EPHA4: variants seen among roughly 807,000 people sequenced by gnomAD.
The protein encoded by EPHA4 is ephrin type-A receptor 4.
Under a neutral mutation model 108.3 loss-of-function variants are expected in EPHA4, and 19 were observed. The ratio of observed to expected loss-of-function variants is 0.18; its 90% CI spans 0.12 to 0.26. EPHA4 has a LOEUF of 0.26. Among genes scored for constraint, EPHA4 ranks in the 10% least tolerant of loss-of-function variants. EPHA4 has a pLI of 1.00. For synonymous variants in EPHA4, 449 were observed against 455.5 expected (o/e 0.99, Z 0.18); for missense variants, 917 against 1,254.0 (o/e 0.73, Z 4.06).
intron 3 of EPHA4, among the ~76,000 whole-genome samples, chr2:221,554,600 CAA>C (rs1694254025): frequency 6.6e-6 from 1 of 151,874 alleles, no homozygotes; most frequent in South Asian, 2.1e-4. Context: ...GAGACAGAAA[CAA>C]AAGACAATAT....
chr2:221,463,642 T>G (rs1691216751), intron 5 of EPHA4, among the ~76,000 whole-genome samples: 1 of 152,150 alleles, frequency 6.6e-6, no homozygotes, highest in African/African-American at 2.4e-5. Context: ...TTAACTTTCT[T>G]TGGTTCAAAG....
intron 2 of EPHA4, among the ~76,000 whole-genome samples, chr2:221,567,063 T>C (rs1317146060): frequency 2.0e-5 from 3 of 151,678 alleles, no homozygotes; most frequent in South Asian, 2.1e-4. Flanking sequence ...AGAAACTAGA[T>C]AGACTATGGA....
At chr2:221,454,156 G>A (rs1690870597) in intron 8 of EPHA4, among the ~76,000 whole-genome samples, 1 of 152,034 alleles carries the variant, frequency 6.6e-6, no homozygotes, top group Non-Finnish European at 1.5e-5. Flanking sequence ...CTTCCAGCCT[G>A]GGCGACAGAG....
At chr2:221,478,358 G>A in intron 5 of EPHA4, among the ~76,000 whole-genome samples, 1 of 152,126 alleles carries the variant, frequency 6.6e-6, no homozygotes, top group African/African-American at 2.4e-5. Context: ...CCAAAGGAAA[G>A]CCATCCAGAA....
chr2:221,428,862 G>A (rs1385951823), intron 15 of EPHA4, among the ~76,000 whole-genome samples: 1 of 152,174 alleles, frequency 6.6e-6, no homozygotes, highest in Non-Finnish European at 1.5e-5. Context: ...ACCTGGTGGA[G>A]AATATAGGGT....
chr2:221,567,011 A>AGAAGAAGAAGAAGGAG (rs879798570), intron 2 of EPHA4, among the ~76,000 whole-genome samples: 1 of 118,056 alleles, frequency 8.5e-6, no homozygotes, highest in Non-Finnish European at 2.0e-5. Context: ...AAGAAGAAGA[A>AGAAGAAGAAGAAGGAG]AAAAATGTCT....
intron 8 of EPHA4, among the ~76,000 whole-genome samples, chr2:221,450,606 C>T (rs137951656): frequency 1.7e-3 from 263 of 152,212 alleles, no homozygotes; most frequent in Non-Finnish European, 3.1e-3. Context: ...ACCATGTGAC[C>T]TTCGTTTATT....
chr2:221,527,949 G>C (rs960003562), intron 3 of EPHA4, among the ~76,000 whole-genome samples: 1 of 152,064 alleles, frequency 6.6e-6, no homozygotes, highest in Non-Finnish European at 1.5e-5. Context: ...CATGAGCAGA[G>C]ACAAAGACAT....
At chr2:221,505,180 A>G (rs1420135342) in intron 3 of EPHA4, among the ~76,000 whole-genome samples, 1 of 152,218 alleles carries the variant, frequency 6.6e-6, no homozygotes, top group Non-Finnish European at 1.5e-5. Context: ...GGCTGTGAGT[A>G]TAAAATATAC....
intron 3 of EPHA4, among the ~76,000 whole-genome samples, chr2:221,520,478 C>A (rs1053220838): frequency 6.6e-6 from 1 of 151,052 alleles, no homozygotes; most frequent in Non-Finnish European, 1.5e-5. Flanking sequence ...AACTGGTAGA[C>A]CCAGAGTGTA....
chr2:221,551,931 A>G (rs1266200810), intron 3 of EPHA4, among the ~76,000 whole-genome samples: 2 of 151,990 alleles, frequency 1.3e-5, no homozygotes, highest in African/African-American at 4.8e-5. Context: ...AGGCAATTCT[A>G]AAAGAAAGGG....
chr2:221,527,002 C>T (rs577877584), intron 3 of EPHA4, among the ~76,000 whole-genome samples: 58 of 151,742 alleles, frequency 3.8e-4, no homozygotes, highest in Admixed American at 1.8e-3. Flanking sequence ...TGGTAGGCAC[C>T]TGTAGTCCCA....
chr2:221,572,421 C>A (rs2106218088), upstream of EPHA4: 2 of 531,728 alleles, frequency 3.8e-6, no homozygotes, highest in East Asian at 6.6e-5. Flanking sequence ...GGCCGAGCCC[C>A]GCCTTCACCG....
At chr2:221,507,123 T>C (rs1467436369) in intron 3 of EPHA4, among the ~76,000 whole-genome samples, 1 of 152,204 alleles carries the variant, frequency 6.6e-6, no homozygotes, top group Non-Finnish European at 1.5e-5. Flanking sequence ...GTAGGACATG[T>C]TCATTTTTGA....
chr2:221,561,379 T>A (rs1465416430), intron 3 of EPHA4, among the ~76,000 whole-genome samples: 2 of 152,086 alleles, frequency 1.3e-5, no homozygotes, highest in African/African-American at 4.8e-5. Flanking sequence ...AAGTGCAAGG[T>A]CTTGTGCAAA....
intron 3 of EPHA4, among the ~76,000 whole-genome samples, chr2:221,560,491 AG>A (rs1287428282): frequency 2.6e-5 from 4 of 152,308 alleles, no homozygotes; most frequent in South Asian, 2.1e-4. Flanking sequence ...ATTATTTGTT[AG>A]GGCAAAGGAG....
chr2:221,423,641 A>G (rs1274173883), intron 17 of EPHA4, among the ~76,000 whole-genome samples: 4 of 152,070 alleles, frequency 2.6e-5, no homozygotes, highest in African/African-American at 4.8e-5. Context: ...ACAAAACAAC[A>G]CCAGCATAGT....
chr2:221,495,500 T>C lies in EPHA4; in HGVS notation c.979+5517A>G, dbSNP rs186017785. Reference sequence around the variant, plus strand: ...GATTTCCATGTGATTTTTGTGCATGTGGATGTTTAAAAAGCTCTGTTCTAA... The same window carrying C: ...GATTTCCATGTGATTTTTGTGCATGCGGATGTTTAAAAAGCTCTGTTCTAA... On this transcript the variant is annotated intron_variant, in intron 4 of 17. Coordinates refer to ENST00000281821, the MANE Select transcript of EPHA4 (RefSeq NM_004438.5). 2.0e-5 allele frequency among the ~76,000 whole-genome samples: 3 copies of C among 152,314 alleles called. No homozygotes were observed. In the East Asian group the frequency reaches 5.8e-4, roughly 29 times the overall value.
rs1689645707 is a variant in EPHA4 at position 221,418,458 on chromosome 2, T to A, written c.*2914A>T. The A allele has an allele frequency of 1.3e-5, 2 of 152,602 alleles. No individual in the cohort carries two copies. The highest frequency in any genetic ancestry group is 2.9e-5 in the Non-Finnish European group (2 of 68,036). The allele number at this position is 152,602 out of a possible 1,614,324, so 9.5% of individuals were successfully genotyped here. On this transcript the variant is annotated 3_prime_UTR_variant, in exon 18 of 18. Coordinates refer to ENST00000281821, the MANE Select transcript of EPHA4 (RefSeq NM_004438.5). ...AAAATATTGCTTCTAGAACTTTCCT[T>A]TATGGGTCAGAATTTAAGTGTCTTC...
Sources: gnomAD v4.1 joint callset for allele counts (sites outside exome capture counted in the v4.1 genomes callset) on GRCh38, gnomAD v4.1.1 for gene constraint, MANE v1.5 for transcripts, NCBI Gene and HGNC (gene_info 2026-07-23, HGNC 2026-07-21) for gene names.